EFHC1: variants seen among roughly 807,000 people sequenced by gnomAD.
EFHC1 encodes the protein EF-hand domain containing 1, also known as EF-hand domain-containing protein 1.
In EFHC1, 53 loss-of-function variants were observed where a neutral mutation model predicts 69.9. The observed-to-expected ratio is 0.76, with a 90% CI of 0.61 to 0.95. EFHC1 has a LOEUF of 0.95. Among genes scored for constraint, EFHC1 ranks in the 40% least tolerant of loss-of-function variants. The pLI is 0.00. For synonymous variants in EFHC1, 256 were observed against 278.4 expected, an observed-to-expected ratio of 0.92 and a Z score of 0.80; for missense variants, 739 against 798.7, an observed-to-expected ratio of 0.93 and a Z score of 0.90.
intron 2 of EFHC1, 30 bp downstream of exon 2, chr6:52,424,197 G>C: frequency 6.2e-7 from 1 of 1,601,694 alleles, no homozygotes; most frequent in African/African-American, 1.3e-5. Flanking sequence ...GGTACCCCTT[G>C]AATTAGGGTC....
chr6:52,422,437 C>A (rs1375540787), intron 1 of EFHC1, among the ~76,000 whole-genome samples: 2 of 152,010 alleles, frequency 1.3e-5, no homozygotes, highest in African/African-American at 4.8e-5. Context: ...AATACATGAC[C>A]TTTAAAAACA....
intron 7 of EFHC1, among the ~76,000 whole-genome samples, chr6:52,478,072 T>C (rs1478271640): frequency 6.6e-6 from 1 of 152,152 alleles, no homozygotes; most frequent in Non-Finnish European, 1.5e-5. Context: ...GTGGCACATA[T>C]ACACCATGGA....
At chr6:52,426,371 A>G (rs1764301041) in intron 2 of EFHC1, among the ~76,000 whole-genome samples, 1 of 151,898 alleles carries the variant, frequency 6.6e-6, no homozygotes, top group African/African-American at 2.4e-5. Flanking sequence ...TTTTGCCTCC[A>G]TGACTCTCAT....
chr6:52,451,733 C>T (rs1357852721), intron 3 of EFHC1, among the ~76,000 whole-genome samples: 1 of 152,158 alleles, frequency 6.6e-6, no homozygotes, highest in African/African-American at 2.4e-5. Context: ...ATATGTTTTC[C>T]AAGTTGTTTG....
chr6:52,455,477 AC>A (rs1765024180), intron 5 of EFHC1, among the ~76,000 whole-genome samples: 1 of 151,908 alleles, frequency 6.6e-6, no homozygotes, highest in Non-Finnish European at 1.5e-5. Context: ...ACATGGTGAA[AC>A]CCCATCTCTA....
intron 7 of EFHC1, among the ~76,000 whole-genome samples, chr6:52,473,299 C>T (rs6912422): frequency 0.63 from 96,010 of 152,024 alleles, 31,336 homozygotes; most frequent in East Asian, 0.87. Context: ...ATCAAACAAT[C>T]AGATATTCAT....
intron 5 of EFHC1, 86 bp downstream of exon 5, chr6:52,454,373 T>C (rs1419758333): frequency 1.9e-6 from 3 of 1,551,234 alleles, no homozygotes; most frequent in Non-Finnish European, 2.7e-6. Flanking sequence ...AAAATTCGTT[T>C]ATACTTGGAA....
intron 4 of EFHC1, 176 bp from the exon 5 acceptor site, chr6:52,453,919 T>C: frequency 6.8e-7 from 1 of 1,477,432 alleles, no homozygotes; most frequent in South Asian, 1.2e-5. Flanking sequence ...AGTACATAAT[T>C]TCAGATGTTT....
chr6:52,488,702 T>C (rs1765837065), intron 9 of EFHC1: 1 of 152,202 alleles, frequency 6.6e-6, no homozygotes, highest in African/African-American at 2.4e-5. Flanking sequence ...TTTATTTTTT[T>C]GAATATCTTT....
intron 7 of EFHC1, among the ~76,000 whole-genome samples, chr6:52,473,693 A>G (rs1467911782): frequency 2.0e-5 from 3 of 151,780 alleles, no homozygotes; most frequent in Non-Finnish European, 4.4e-5. Context: ...GAGGCAGGAG[A>G]ATCACTTGAG....
At chr6:52,420,922 T>C in intron 1 of EFHC1, 5 of 824,988 alleles carry the variant, frequency 6.1e-6, no homozygotes, top group Non-Finnish European at 7.8e-6. Flanking sequence ...CCCCCGCCAC[T>C]ATGCACCTTC....
intron 6 of EFHC1, chr6:52,468,672 T>C (rs1192243790): frequency 6.5e-6 from 1 of 153,318 alleles, no homozygotes; most frequent in African/African-American, 2.4e-5. Context: ...AAAACTCAGA[T>C]GCTTAGCATG....
In EFHC1 at chr6:52,425,553, GTTAC is replaced by G. The variant is rs1282822410; in HGVS notation, c.285+1390_285+1393del. Among the ~76,000 whole-genome samples, 3 of 152,114 alleles carry G rather than the reference GTTAC, an allele frequency of 2.0e-5. No homozygotes were observed. In the East Asian group the frequency reaches 5.8e-4, roughly 29 times the overall value. On this transcript the variant is annotated intron_variant, in intron 2 of 10. Transcript: ENST00000371068. ...TCTATGTTATTTTACACTAATTGTT[GTTAC>G]TTAATTTGTACTTATTTAATATTCA...
chr6:52,454,328 T>G, intron 5 of EFHC1, 41 bp downstream of exon 5: 1 of 1,613,080 alleles, frequency 6.2e-7, no homozygotes, highest in South Asian at 1.1e-5. Flanking sequence ...TTGGGATGTT[T>G]TTAGGTTCTT....
chr6:52,480,878 A>G (rs1339934321), intron 9 of EFHC1, among the ~76,000 whole-genome samples: 2 of 152,142 alleles, frequency 1.3e-5, no homozygotes, highest in East Asian at 1.9e-4. Context: ...AAAATTAACA[A>G]TGGGCTAGAT....
rs193024363 is a variant in EFHC1 at position 52,495,460 on chromosome 6, C to T, written c.*3119C>T. 1.8e-5 allele frequency: 8 copies of T among 454,108 alleles called. No homozygotes were observed. Among genetic ancestry groups the T allele is most frequent in the Non-Finnish European group, 3.5e-5 (8 of 226,788 alleles). The allele number at this position is 454,108 out of a possible 1,614,324, so 28.1% of individuals were successfully genotyped here. On this transcript the variant is annotated 3_prime_UTR_variant, in exon 11 of 11. Coordinates refer to ENST00000371068, the MANE Select transcript of EFHC1 (RefSeq NM_018100.4). ...ACTCCTTAACAAATCATTCATGGAT[C>T]GGCAGCAAATCTGCAACATATGGAT...
intron 5 of EFHC1, among the ~76,000 whole-genome samples, chr6:52,459,073 G>T (rs1337692718): frequency 6.6e-6 from 1 of 152,200 alleles, no homozygotes; most frequent in African/African-American, 2.4e-5. Flanking sequence ...CCAAAAGGAA[G>T]AAGTAAGGGA....
At chr6:52,450,778 GT>G (rs1562451658) in intron 3 of EFHC1, among the ~76,000 whole-genome samples, 1 of 151,654 alleles carries the variant, frequency 6.6e-6, no homozygotes, top group African/African-American at 2.4e-5. Context: ...CTGCATTGTG[GT>G]TTTTTTGTTT....
At chr6:52,445,460 C>T (rs909401201) in intron 3 of EFHC1, among the ~76,000 whole-genome samples, 3 of 149,834 alleles carry the variant, frequency 2.0e-5, no homozygotes, top group African/African-American at 7.4e-5. Context: ...TCCCCCTACC[C>T]CGCAGCAGTC....
Sources: allele counts gnomAD v4.1 joint callset (sites outside exome capture counted in the v4.1 genomes callset), GRCh38; gene constraint gnomAD v4.1.1; transcripts MANE v1.5; gene names NCBI Gene and HGNC (gene_info 2026-07-23, HGNC 2026-07-21).